Variants in MAGI1 observed in about 807,000 individuals in gnomAD.
MAGI1 encodes the protein membrane associated guanylate kinase, WW and PDZ domain containing 1.
Under a neutral mutation model 139.9 loss-of-function variants are expected in MAGI1, and 58 were observed. The observed-to-expected ratio is 0.41, with a 90% CI of 0.34 to 0.52. The LOEUF is 0.52. Ranked by LOEUF, MAGI1 falls within the 20% of genes least tolerant of loss-of-function variation. MAGI1 has a pLI of 0.12. For synonymous variants in MAGI1, 812 were observed against 737.9 expected (o/e 1.10, Z -1.63); for missense variants, 1,874 against 1,901.6 (o/e 0.99, Z 0.27).
intron 2 of MAGI1, among the ~76,000 whole-genome samples, chr3:65,602,649 A>G (rs2106851603): frequency 6.6e-6 from 1 of 152,296 alleles, no homozygotes; most frequent in Non-Finnish European, 1.5e-5. Context: ...AATAAACTAA[A>G]AAATAATGAT....
chr3:65,811,895 T>C (rs1297901614), intron 1 of MAGI1, among the ~76,000 whole-genome samples: 1 of 151,698 alleles, frequency 6.6e-6, no homozygotes. Flanking sequence ...TAATCTAATT[T>C]CCTGAGAATT....
intron 1 of MAGI1, among the ~76,000 whole-genome samples, chr3:65,655,117 C>T (rs2085798178): frequency 6.6e-6 from 1 of 152,128 alleles, no homozygotes; most frequent in South Asian, 2.1e-4. Context: ...AGTGTGTCTT[C>T]CTACCAGTGT....
chr3:65,775,447 T>C (rs1241527786), intron 1 of MAGI1, among the ~76,000 whole-genome samples: 2 of 76,648 alleles, frequency 2.6e-5, no homozygotes, highest in South Asian at 4.6e-4. Context: ...AGACCTTCTC[T>C]GGAAAAAAAA....
chr3:65,629,561 CAA>C (rs57784561), intron 1 of MAGI1, among the ~76,000 whole-genome samples: 8 of 143,000 alleles, frequency 5.6e-5, no homozygotes, highest in African/African-American at 1.5e-4. Flanking sequence ...GCTATTACAG[CAA>C]AAAAAAAAAA....
At position 65,437,460 on chromosome 3, in the gene MAGI1, T is replaced by C. The variant is rs1365850496; in HGVS notation, c.1271-213A>G. On this transcript the variant is annotated intron_variant, in intron 9 of 22. Transcript: ENST00000402939. ...TTGGGAAAGAAATATTACGATATAA[T>C]GAATAAGAACTCCAGTTCTCTCTGG... Among the ~76,000 whole-genome samples the C allele has an allele frequency of 2.0e-5, 3 of 151,260 alleles. No individual in the cohort carries two copies. In the East Asian group the frequency reaches 5.9e-4, roughly 30 times the overall value.
At chr3:65,788,799 G>A (rs2039564634) in intron 1 of MAGI1, among the ~76,000 whole-genome samples, 1 of 152,174 alleles carries the variant, frequency 6.6e-6, no homozygotes, top group Non-Finnish European at 1.5e-5. Flanking sequence ...ATGTGTGGGA[G>A]TTGCTCAGTG....
chr3:65,688,153 TGG>T (rs2088229626), intron 1 of MAGI1: 2 of 755,742 alleles, frequency 2.6e-6, no homozygotes, highest in South Asian at 2.7e-5. Flanking sequence ...CCAGGGTCCA[TGG>T]GTATCACTGA....
Position 65,720,885 on chromosome 3 carries a change from G to C in MAGI1, c.314-98797C>G, listed in dbSNP as rs146373742. 3.8e-3 allele frequency among the ~76,000 whole-genome samples: 574 copies of C among 152,106 alleles called. 4 individuals carry two copies. The highest frequency in any genetic ancestry group is 0.013 in the African/African-American group (537 of 41,484). On this transcript the variant is annotated intron_variant, in intron 1 of 22. Coordinates refer to ENST00000402939, the MANE Select transcript of MAGI1 (RefSeq NM_001033057.2). ...CCACCTCAGCCTCTCCAGTAGCTAG[G>C]ACTACAGGTGCACAACACCACGCCT...
intron 1 of MAGI1, among the ~76,000 whole-genome samples, chr3:65,645,504 G>C (rs1347769409): frequency 6.6e-6 from 1 of 152,076 alleles, no homozygotes; most frequent in African/African-American, 2.4e-5. Flanking sequence ...AAAATTAATA[G>C]ACTTCATTGA....
chr3:65,438,793 C>T (rs1329263638), intron 9 of MAGI1, among the ~76,000 whole-genome samples: 1 of 152,110 alleles, frequency 6.6e-6, no homozygotes, highest in Admixed American at 6.5e-5. Flanking sequence ...ATTACAGTGC[C>T]CATAAAGTTT....
At chr3:65,639,409 A>G (rs555779563) in intron 1 of MAGI1, among the ~76,000 whole-genome samples, 1 of 152,338 alleles carries the variant, frequency 6.6e-6, no homozygotes, top group Admixed American at 6.5e-5. Context: ...ACGAAATAGA[A>G]GAACTCTGGG....
chr3:65,861,242 A>T (rs2059546744), intron 1 of MAGI1, among the ~76,000 whole-genome samples: 1 of 152,216 alleles, frequency 6.6e-6, no homozygotes, highest in Admixed American at 6.5e-5. Context: ...GGCTGTTGCA[A>T]ATATTTGACG....
At chr3:65,814,401 T>C (rs1385405707) in intron 1 of MAGI1, among the ~76,000 whole-genome samples, 3 of 152,184 alleles carry the variant, frequency 2.0e-5, no homozygotes, top group Non-Finnish European at 2.9e-5. Context: ...ATTTCACATT[T>C]ACCAGTATTT....
chr3:65,688,679 T>C (rs1463482195), intron 1 of MAGI1, among the ~76,000 whole-genome samples: 2 of 152,180 alleles, frequency 1.3e-5, no homozygotes. Context: ...TCCTTCTTCA[T>C]TATAGATGAA....
intron 5 of MAGI1, among the ~76,000 whole-genome samples, chr3:65,461,967 G>C (rs1405491922): frequency 6.6e-6 from 1 of 151,988 alleles, no homozygotes; most frequent in Non-Finnish European, 1.5e-5. Flanking sequence ...CTTTTTGATA[G>C]GGTTGTTTTT....
chr3:65,357,356 C>T (rs1940274120), intron 22 of MAGI1, among the ~76,000 whole-genome samples: 1 of 152,132 alleles, frequency 6.6e-6, no homozygotes, highest in South Asian at 2.1e-4. Context: ...TGAATGTTCT[C>T]CATACCCGAG....
At position 65,404,549 on chromosome 3, in the gene MAGI1, A is replaced by G. The variant is rs150792460; in HGVS notation, c.2168-3079T>C. On this transcript the variant is annotated intron_variant, in intron 12 of 22. Transcript: ENST00000402939. ...TAATATTTAAATAGTCAAAATCAAG[A>G]GACTCCACTTGATTGCTTTTTAAAA... Among the ~76,000 whole-genome samples, 1,114 of 152,308 alleles carry G rather than the reference A, an allele frequency of 7.3e-3. 10 individuals are homozygous for G. Among genetic ancestry groups the G allele is most frequent in the Non-Finnish European group, 0.012 (805 of 68,030 alleles).
At chr3:65,684,167 C>CAAAAA (rs1163089641) in intron 1 of MAGI1, among the ~76,000 whole-genome samples, 238 of 78,054 alleles carry the variant, frequency 3.0e-3, no homozygotes, top group Middle Eastern at 0.016. Flanking sequence ...GAGACTGTCT[C>CAAAAA]AAAAAAAAAA....
At chr3:65,807,771 CAT>C (rs2108173175) in intron 1 of MAGI1, among the ~76,000 whole-genome samples, 1 of 152,292 alleles carries the variant, frequency 6.6e-6, no homozygotes, top group South Asian at 2.1e-4. Flanking sequence ...CTATTAATAA[CAT>C]GTGCTTTAAA....
Sources: gnomAD v4.1 joint callset for allele counts (sites outside exome capture counted in the v4.1 genomes callset) on GRCh38, gnomAD v4.1.1 for gene constraint, MANE v1.5 for transcripts, NCBI Gene and HGNC (gene_info 2026-07-23, HGNC 2026-07-21) for gene names.